Variants in FRAS1 observed in about 807,000 individuals in gnomAD.
FRAS1 encodes the protein extracellular matrix organizing protein FRAS1.
Under a neutral mutation model 435.2 loss-of-function variants are expected in FRAS1, and 290 were observed. The observed-to-expected ratio is 0.67, with a 90% confidence interval of 0.61 to 0.73. FRAS1 has a LOEUF of 0.73. Ranked by LOEUF, FRAS1 falls within the 30% of genes least tolerant of loss-of-function variation. The pLI is 0.00. For synonymous variants in FRAS1, 1,800 were observed against 1,851.0 expected, an observed-to-expected ratio of 0.97 and a Z score of 0.71; for missense variants, 4,860 against 5,001.5, an observed-to-expected ratio of 0.97 and a Z score of 0.85.
intron 2 of FRAS1, among the ~76,000 whole-genome samples, chr4:78,126,892 T>C (rs1378156910): frequency 6.6e-6 from 1 of 152,190 alleles, no homozygotes; most frequent in Non-Finnish European, 1.5e-5. Context: ...TACAAGCAGA[T>C]TAGTGGAACC....
rs986018549 is a variant in FRAS1, at chr4:78,370,091, G to T, written c.2869+107G>T. 5.5e-5 allele frequency: 57 copies of T among 1,035,548 alleles called. No individual in the cohort carries two copies. The East Asian group carries it at 1.4e-3, about 25-fold the overall frequency. The allele number at this position is 1,035,548 out of a possible 1,614,324, so 64.1% of individuals were successfully genotyped here. On this transcript the variant is annotated intron_variant, in intron 23 of 73. Coordinates refer to ENST00000512123, the MANE Select transcript of FRAS1 (RefSeq NM_025074.7). ...GAAAACACCAGTCATCATATATTTT[G>T]ACTGTCTCTGATGATAGCAACAATT...
intron 19 of FRAS1, among the ~76,000 whole-genome samples, chr4:78,337,183 G>A (rs1730202948): frequency 6.6e-6 from 1 of 152,178 alleles, no homozygotes; most frequent in Non-Finnish European, 1.5e-5. Flanking sequence ...TGAAGGGAGT[G>A]TCTGGATGGT....
chr4:78,367,276 G>A (rs1731308154), intron 22 of FRAS1, among the ~76,000 whole-genome samples: 1 of 152,074 alleles, frequency 6.6e-6, no homozygotes, highest in Non-Finnish European at 1.5e-5. Flanking sequence ...ATGGTGGCAT[G>A]TGCCTGTGGA....
At chr4:78,085,101 T>G (rs1483142263) in intron 2 of FRAS1, among the ~76,000 whole-genome samples, 1 of 152,084 alleles carries the variant, frequency 6.6e-6, no homozygotes, top group Non-Finnish European at 1.5e-5. Context: ...GGGAGTATTC[T>G]TTTGTTTTTA....
chr4:78,152,352 C>T (rs1474875463), intron 2 of FRAS1, among the ~76,000 whole-genome samples: 1 of 151,992 alleles, frequency 6.6e-6, no homozygotes, highest in Non-Finnish European at 1.5e-5. Flanking sequence ...TGGCTTAAGG[C>T]AGCCAAACAT....
At chr4:78,109,399 C>G (rs1220568597) in intron 2 of FRAS1, among the ~76,000 whole-genome samples, 4 of 149,136 alleles carry the variant, frequency 2.7e-5, no homozygotes, top group East Asian at 2.0e-4. Flanking sequence ...AGCTTATCCA[C>G]CATGATCAAG....
intron 27 of FRAS1, among the ~76,000 whole-genome samples, chr4:78,381,968 G>A (rs1732038916): frequency 6.6e-6 from 1 of 152,192 alleles, no homozygotes. Context: ...TAAAATTATT[G>A]AAGTCTCTGA....
At chr4:78,119,095 C>G (rs529216558) in intron 2 of FRAS1, among the ~76,000 whole-genome samples, 1 of 152,004 alleles carries the variant, frequency 6.6e-6, no homozygotes, top group African/African-American at 2.4e-5. Flanking sequence ...TCATGAGGTA[C>G]GTAAGGATGT....
intron 2 of FRAS1, among the ~76,000 whole-genome samples, chr4:78,236,961 A>G (rs1420048951): frequency 1.3e-5 from 2 of 152,114 alleles, no homozygotes; most frequent in African/African-American, 4.8e-5. Flanking sequence ...GCCAGGCACA[A>G]AATAGTCACT....
chr4:78,202,401 G>T (rs1156349893), intron 2 of FRAS1, among the ~76,000 whole-genome samples: 1 of 152,066 alleles, frequency 6.6e-6, no homozygotes, highest in Non-Finnish European at 1.5e-5. Context: ...TTAAAAGTCA[G>T]TTTTCTGGGC....
At chr4:78,189,895 C>G (rs763751039) in intron 2 of FRAS1, among the ~76,000 whole-genome samples, 3 of 141,262 alleles carry the variant, frequency 2.1e-5, no homozygotes, top group African/African-American at 8.1e-5. Flanking sequence ...TAATTCTACC[C>G]TCCACATCCA....
In FRAS1 at chr4:78,445,553, C is replaced by T. The variant is rs375607019; in HGVS notation, c.5697C>T (p.Asp1899=). Residue 1899 remains aspartate, a synonymous_variant, in exon 42 of 74, where the codon GAC becomes GAT. Coordinates refer to ENST00000512123, the MANE Select transcript of FRAS1 (RefSeq NM_025074.7). ...GDRFGPETAS[D]LEASFPIQDV... is the part of the protein sequence containing the mutation. The stretch of plus-strand genomic sequence containing the variant: ...GTTTTGGCCCTGAAACTGCCAGTGA[C>T]CTAGAGGCATCATTTCCTATTCAAG... The T allele has an allele frequency of 1.7e-5, 27 of 1,605,760 alleles. 1 individual carries two copies. In the South Asian group the frequency reaches 2.7e-4, roughly 16 times the overall value.
chr4:78,457,677 G>A (rs1337220824), intron 47 of FRAS1, among the ~76,000 whole-genome samples: 5 of 152,218 alleles, frequency 3.3e-5, no homozygotes, highest in Non-Finnish European at 4.4e-5. Context: ...GAGTCTAGAC[G>A]TCTTAAATCC....
At chr4:78,511,217 G>A (rs1415964865) in intron 63 of FRAS1, 57 bp from the exon 64 acceptor site, 4 of 1,343,054 alleles carry the variant, frequency 3.0e-6, no homozygotes, top group Non-Finnish European at 4.1e-6. Flanking sequence ...ACCAGATCAT[G>A]TAAGGAGCTG....
At chr4:78,194,880 G>T (rs184928845) in intron 2 of FRAS1, among the ~76,000 whole-genome samples, 6 of 152,216 alleles carry the variant, frequency 3.9e-5, no homozygotes, top group African/African-American at 1.4e-4. Context: ...TTTCTGCTCT[G>T]TTTTTTCCCC....
At chr4:78,444,242 G>A in intron 41 of FRAS1, 1 of 447,154 alleles carries the variant, frequency 2.2e-6, no homozygotes, top group Non-Finnish European at 4.5e-6. Context: ...AAAATTGGAA[G>A]GAATTTTAGC....
intron 47 of FRAS1, among the ~76,000 whole-genome samples, chr4:78,453,902 T>G (rs1388350829): frequency 2.0e-5 from 3 of 152,132 alleles, no homozygotes; most frequent in Non-Finnish European, 2.9e-5. Context: ...TTTCAGATTT[T>G]AGGTTATACA....
chr4:78,536,893 T>C (rs768550694), intron 71 of FRAS1, 102 bp from the exon 72 acceptor site: 2 of 834,350 alleles, frequency 2.4e-6, no homozygotes, highest in Non-Finnish European at 3.8e-6. Context: ...AGAAAAGTGC[T>C]TTTCACTCTT....
rs894485477 is a variant in FRAS1, at chr4:78,511,716, C to T, written c.10013+210C>T. On this transcript the variant is annotated intron_variant, in intron 64 of 73. Coordinates refer to ENST00000512123, the MANE Select transcript of FRAS1 (RefSeq NM_025074.7). ...CTTTCTCTCACCTTGTCATTTTCAC[C>T]GGCCATTCCAACCACAAGGAATCAT... Among the ~76,000 whole-genome samples the T allele has an allele frequency of 6.6e-5, 10 of 152,272 alleles. No homozygotes were observed. In the East Asian group the frequency reaches 7.7e-4, roughly 12 times the overall value.
Sources: gnomAD v4.1 joint callset for allele counts (sites outside exome capture counted in the v4.1 genomes callset) on GRCh38, gnomAD v4.1.1 for gene constraint, MANE v1.5 for transcripts, NCBI Gene and HGNC (gene_info 2026-07-23, HGNC 2026-07-21) for gene names.